Variants in WDR7 observed in about 807,000 individuals in gnomAD.
WDR7 encodes WD repeat domain 7.
A neutral mutation model predicts 169.4 loss-of-function variants in WDR7; 46 were observed. The ratio of observed to expected loss-of-function variants is 0.27; its 90% CI spans 0.21 to 0.35. The LOEUF (loss-of-function observed/expected upper bound fraction) is 0.35, where lower values mean the gene tolerates loss of function less well. Among genes scored for constraint, WDR7 ranks in the 10% least tolerant of loss-of-function variants. The probability of loss-of-function intolerance (pLI) is 1.00; values close to 1 mark genes in which losing one functional copy is unlikely to be tolerated. For missense variants in WDR7, 1,534 were observed against 1,859.3 expected (o/e 0.83, Z 3.22); for synonymous variants, 612 against 666.8 (o/e 0.92, Z 1.27).
At chr18:56,959,434 A>T (rs894964220) in intron 25 of WDR7, among the ~76,000 whole-genome samples, 1 of 152,114 alleles carries the variant, frequency 6.6e-6, no homozygotes, top group Non-Finnish European at 1.5e-5. Flanking sequence ...TTTCCACTTG[A>T]TTCTTCTTTC....
At chr18:56,970,203 T>G (rs2047463487) in intron 26 of WDR7, among the ~76,000 whole-genome samples, 1 of 151,910 alleles carries the variant, frequency 6.6e-6, no homozygotes, top group South Asian at 2.1e-4. Context: ...GCTAGATCTG[T>G]TGAAATTGCT....
At chr18:56,975,140 G>T (rs1478625165) in intron 26 of WDR7, among the ~76,000 whole-genome samples, 2 of 152,062 alleles carry the variant, frequency 1.3e-5, no homozygotes, top group Non-Finnish European at 2.9e-5. Flanking sequence ...GGAGGCAGAG[G>T]CAGGAGAATC....
chr18:56,894,415 A>G (rs1306873103), intron 21 of WDR7, among the ~76,000 whole-genome samples: 1 of 151,378 alleles, frequency 6.6e-6, no homozygotes, highest in African/African-American at 2.4e-5. Context: ...CAGGCATACT[A>G]GTCACTCCTT....
In WDR7 at chr18:56,679,508, C is replaced by T. The variant is rs572386515; in HGVS notation, c.266+70C>T. 1,006 of 1,034,878 alleles carry T rather than the reference C, an allele frequency of 9.7e-4. 18 individuals are homozygous for T. The East Asian group carries it at 0.018, about 18-fold the overall frequency. 64.1% of individuals were successfully genotyped at this position (1,034,878 alleles called of 1,614,324 possible). The stretch of plus-strand genomic sequence containing the variant: ...ACTAGCACCAATGCCTTGTAAGTAG[C>T]GAGGTATTTTTTTTTTCTTTTAGAA... On this transcript the variant is annotated intron_variant, in intron 3 of 27. Coordinates refer to ENST00000254442, the MANE Select transcript of WDR7 (RefSeq NM_015285.3).
intron 21 of WDR7, among the ~76,000 whole-genome samples, chr18:56,882,394 A>C (rs1278227316): frequency 1.3e-5 from 2 of 152,234 alleles, no homozygotes; most frequent in Non-Finnish European, 2.9e-5. Flanking sequence ...TCCTTTGCAC[A>C]TTTTATGTTG....
intron 21 of WDR7, among the ~76,000 whole-genome samples, chr18:56,898,852 A>G (rs1035649847): frequency 3.9e-5 from 6 of 152,212 alleles, no homozygotes; most frequent in Non-Finnish European, 5.9e-5. Context: ...GATTCTACCA[A>G]TACTAATTTT....
At chr18:56,836,831 T>C (rs1295425193) in intron 20 of WDR7, among the ~76,000 whole-genome samples, 1 of 152,224 alleles carries the variant, frequency 6.6e-6, no homozygotes, top group Non-Finnish European at 1.5e-5. Context: ...ATTAAAATAA[T>C]TTAACAGCAT....
At chr18:56,820,753 G>A (rs982984505) in intron 20 of WDR7, among the ~76,000 whole-genome samples, 3 of 152,122 alleles carry the variant, frequency 2.0e-5, no homozygotes, top group Admixed American at 6.5e-5. Context: ...GTAAATTGAT[G>A]TAAGTTTTCT....
intron 21 of WDR7, among the ~76,000 whole-genome samples, chr18:56,908,600 T>C (rs1174940362): frequency 6.6e-6 from 1 of 152,238 alleles, no homozygotes; most frequent in East Asian, 1.9e-4. Flanking sequence ...AACCTTATTT[T>C]GGCAATTCAA....
chr18:57,034,209 A>T (rs9955053), downstream of WDR7: 32,277 of 151,974 alleles, frequency 0.21, 3,870 homozygotes, highest in Non-Finnish European at 0.27. Context: ...CCTCAAAAAA[A>T]AAATAAATAA....
chr18:56,754,273 G>GTGTGTGTGTATA lies in WDR7; in HGVS notation c.1990-2301_1990-2300insATATGTGTGTGT, dbSNP rs1555686090. On this transcript the variant is annotated intron_variant, in intron 14 of 27. Coordinates refer to ENST00000254442, the MANE Select transcript of WDR7 (RefSeq NM_015285.3). Reference sequence around the variant, plus strand: ...TGTGTGTGTGTGTGTGTGTGTGTGTGTGTGTGTGTGTGTATATGTGTGTGT... The same window carrying GTGTGTGTGTATA: ...TGTGTGTGTGTGTGTGTGTGTGTGTGTGTGTGTGTATATGTGTGTGTGTGTATATGTGTGTGT... Among the ~76,000 whole-genome samples the GTGTGTGTGTATA allele has an allele frequency of 9.4e-3, 1,379 of 146,904 alleles. 18 individuals carry two copies. Among genetic ancestry groups the GTGTGTGTGTATA allele is most frequent in the African/African-American group, 0.033 (1,306 of 39,468 alleles).
chr18:56,944,594 T>C (rs1230468761), intron 25 of WDR7, among the ~76,000 whole-genome samples: 3 of 152,170 alleles, frequency 2.0e-5, no homozygotes, highest in African/African-American at 7.2e-5. Flanking sequence ...ATTGAAAGCA[T>C]CTATACAAAA....
chr18:56,825,112 T>C (rs2045175546), intron 20 of WDR7, among the ~76,000 whole-genome samples: 1 of 152,240 alleles, frequency 6.6e-6, no homozygotes, highest in Non-Finnish European at 1.5e-5. Flanking sequence ...GTCACCCTTT[T>C]CTTCCTTGCT....
intron 20 of WDR7, among the ~76,000 whole-genome samples, chr18:56,830,713 A>C (rs2045293802): frequency 6.6e-6 from 1 of 152,172 alleles, no homozygotes; most frequent in Non-Finnish European, 1.5e-5. Flanking sequence ...CTGTCCCAGC[A>C]CACTTTTTTT....
At chr18:56,746,596 G>C (rs530752478) in intron 14 of WDR7, among the ~76,000 whole-genome samples, 36 of 152,234 alleles carry the variant, frequency 2.4e-4, no homozygotes, top group African/African-American at 8.2e-4. Flanking sequence ...CCCTGCAAAG[G>C]CTACCTGAAT....
chr18:56,732,977 G>T (rs2144813517), intron 14 of WDR7, among the ~76,000 whole-genome samples: 1 of 152,244 alleles, frequency 6.6e-6, no homozygotes, highest in Admixed American at 6.5e-5. Flanking sequence ...TATATAACTT[G>T]AAAATTAAAG....
In WDR7 at chr18:56,897,552, G is replaced by A. The variant is rs962118276; in HGVS notation, c.3526+17387G>A. Among the ~76,000 whole-genome samples the A allele has an allele frequency of 4.9e-4, 75 of 151,958 alleles. 1 individual carries two copies. The highest frequency in any genetic ancestry group is 1.7e-3 in the African/African-American group (70 of 41,412). The stretch of plus-strand genomic sequence containing the variant: ...CTCAGAACAATGATTACTCTAAAGG[G>A]TGCTAAGAAAGGGGGTGAATTCAGG... On this transcript the variant is annotated intron_variant, in intron 21 of 27. Transcript: ENST00000254442.
chr18:56,770,575 G>A (rs1401341548), intron 16 of WDR7, among the ~76,000 whole-genome samples: 1 of 152,160 alleles, frequency 6.6e-6, no homozygotes, highest in Non-Finnish European at 1.5e-5. Context: ...TCACATCTGT[G>A]TTTATTGCAC....
intron 25 of WDR7, among the ~76,000 whole-genome samples, chr18:56,958,752 G>A (rs2047293276): frequency 6.6e-6 from 1 of 151,932 alleles, no homozygotes; most frequent in African/African-American, 2.4e-5. Context: ...GCCATTTTTG[G>A]ACAGTTTTTG....
Sources: gnomAD v4.1 joint callset for allele counts (sites outside exome capture counted in the v4.1 genomes callset) on GRCh38, gnomAD v4.1.1 for gene constraint, MANE v1.5 for transcripts, NCBI Gene and HGNC (gene_info 2026-07-23, HGNC 2026-07-21) for gene names.